Variants in TMEM178B observed in about 807,000 individuals in gnomAD.
TMEM178B encodes the protein transmembrane protein 178B.
TMEM178B carries 5 observed loss-of-function variants against 31.0 expected under a neutral mutation model. The ratio of observed to expected loss-of-function variants is 0.16; its 90% CI spans 0.08 to 0.34. The LOEUF is 0.34. TMEM178B is among the 10% of genes least tolerant of loss of function. The probability of loss-of-function intolerance (pLI) is 1.00; values close to 1 mark genes in which losing one functional copy is unlikely to be tolerated. For missense variants in TMEM178B, 275 were observed against 400.3 expected (o/e 0.69, Z 2.67); for synonymous variants, 164 against 164.0 (o/e 1.00, Z 0.00).
intron 2 of TMEM178B, among the ~76,000 whole-genome samples, chr7:141,362,404 A>G (rs1799931345): frequency 6.6e-6 from 1 of 152,216 alleles, no homozygotes; most frequent in Non-Finnish European, 1.5e-5. Context: ...CAGCCTGATC[A>G]TCTCTCATGC....
At chr7:141,111,179 A>G (rs374393771) in intron 1 of TMEM178B, among the ~76,000 whole-genome samples, 14 of 152,324 alleles carry the variant, frequency 9.2e-5, no homozygotes, top group African/African-American at 3.4e-4. Flanking sequence ...GCGGAAGGTG[A>G]TGGAGGAGCA....
intron 1 of TMEM178B, among the ~76,000 whole-genome samples, chr7:141,166,950 C>T (rs1384659247): frequency 1.3e-5 from 2 of 152,142 alleles, no homozygotes; most frequent in Admixed American, 6.5e-5. Context: ...TTGGAACAGA[C>T]GGTTTCCTCT....
the TMEM178B span, among the ~76,000 whole-genome samples, chr7:141,501,716 T>C: frequency 2.6e-5 from 4 of 152,192 alleles, no homozygotes; most frequent in Admixed American, 1.3e-4. Context: ...CTGCCTTAGA[T>C]TGCCTCTGGA....
intron 1 of TMEM178B, among the ~76,000 whole-genome samples, chr7:141,166,124 G>A (rs1796256769): frequency 6.6e-6 from 1 of 152,200 alleles, no homozygotes; most frequent in Non-Finnish European, 1.5e-5. Flanking sequence ...TGCCACAATT[G>A]CTGTACTCAG....
At position 141,355,193 on chromosome 7, in the gene TMEM178B, T is replaced by A. The variant is rs550437957; in HGVS notation, c.497-82415T>A. On this transcript the variant is annotated intron_variant, in intron 2 of 3. Transcript: ENST00000565468. ...ATCACTTTCTAGGGCCGTCTCCAGC[T>A]TTATTGAAGGGAATCAAATGTTCTT... is the stretch of plus-strand genomic sequence containing the variant. Among the ~76,000 whole-genome samples the A allele has an allele frequency of 3.3e-5, 5 of 152,258 alleles. No individual in the cohort carries two copies. In the East Asian group the frequency reaches 9.7e-4, roughly 29 times the overall value.
At position 141,475,486 on chromosome 7, in the gene TMEM178B, C is replaced by T. The variant is rs1040289131; in HGVS notation, c.*4700C>T. On this transcript the variant is annotated 3_prime_UTR_variant, in exon 4 of 4. Coordinates refer to ENST00000565468, the MANE Select transcript of TMEM178B (RefSeq NM_001195278.2). ...AAAGACTACAAGATTTTTCATAATCCAGTCACTCTGAGGCATCTACCGCGG... is the reference window on the plus strand; with the variant it reads ...AAAGACTACAAGATTTTTCATAATCTAGTCACTCTGAGGCATCTACCGCGG... The T allele has an allele frequency of 3.3e-5, 5 of 152,026 alleles. No homozygotes were observed. Among genetic ancestry groups the T allele is most frequent in the Non-Finnish European group, 5.9e-5 (4 of 67,998 alleles). 9.4% of individuals were successfully genotyped at this position (152,026 alleles called of 1,614,324 possible).
At chr7:141,466,852 G>A (rs747093609) in intron 3 of TMEM178B, among the ~76,000 whole-genome samples, 4 of 152,260 alleles carry the variant, frequency 2.6e-5, no homozygotes, top group Non-Finnish European at 5.9e-5. Context: ...TCTAATGATA[G>A]GTTCACAAAC....
chr7:141,282,004 T>C (rs112084970), intron 2 of TMEM178B, among the ~76,000 whole-genome samples: 321 of 152,278 alleles, frequency 2.1e-3, no homozygotes, highest in African/African-American at 7.5e-3. Context: ...GGGATTGTAT[T>C]GGTAGTTGTG....
intron 3 of TMEM178B, among the ~76,000 whole-genome samples, chr7:141,464,275 T>C (rs1802112588): frequency 6.6e-6 from 1 of 152,194 alleles, no homozygotes; most frequent in South Asian, 2.1e-4. Context: ...CGACCTAGCA[T>C]TGTCATCTGT....
At chr7:141,322,547 A>G (rs1390551765) in intron 2 of TMEM178B, among the ~76,000 whole-genome samples, 1 of 152,130 alleles carries the variant, frequency 6.6e-6, no homozygotes, top group Non-Finnish European at 1.5e-5. Flanking sequence ...AAATCAATCA[A>G]TCAAACAAAC....
chr7:141,468,755 CAAAA>C (rs1186631098), intron 3 of TMEM178B, among the ~76,000 whole-genome samples: 1 of 152,074 alleles, frequency 6.6e-6, no homozygotes, highest in African/African-American at 2.4e-5. Context: ...GTTTAATAGA[CAAAA>C]GAAAGAGAAA....
intron 1 of TMEM178B, among the ~76,000 whole-genome samples, chr7:141,086,744 C>T (rs1318006189): frequency 2.0e-5 from 3 of 152,102 alleles, no homozygotes; most frequent in African/African-American, 4.8e-5. Context: ...GTGTCACCCA[C>T]GCTGGAGTGC....
At chr7:141,118,682 A>G (rs1370162080) in intron 1 of TMEM178B, among the ~76,000 whole-genome samples, 1 of 152,204 alleles carries the variant, frequency 6.6e-6, no homozygotes, top group African/African-American at 2.4e-5. Context: ...AGGCAACACT[A>G]GGGTAGAAAA....
At chr7:141,192,862 A>G (rs1450712868) in intron 1 of TMEM178B, among the ~76,000 whole-genome samples, 2 of 152,242 alleles carry the variant, frequency 1.3e-5, no homozygotes, top group African/African-American at 4.8e-5. Flanking sequence ...TTCCATAAAC[A>G]TCTCTGCGAT....
At chr7:141,301,263 G>A (rs1164087601) in intron 2 of TMEM178B, among the ~76,000 whole-genome samples, 1 of 152,160 alleles carries the variant, frequency 6.6e-6, no homozygotes, top group Non-Finnish European at 1.5e-5. Flanking sequence ...GGGGTTGTGT[G>A]GGTATCCTCT....
the TMEM178B span, among the ~76,000 whole-genome samples, chr7:141,490,711 TC>T: frequency 6.6e-6 from 1 of 152,228 alleles, no homozygotes; most frequent in Non-Finnish European, 1.5e-5. Flanking sequence ...AAAGAAGCTT[TC>T]CCTTTTATGG....
chr7:141,182,381 ACTTATTATACTGG>A (rs1796543451), intron 1 of TMEM178B, among the ~76,000 whole-genome samples: 1 of 152,318 alleles, frequency 6.6e-6, no homozygotes, highest in African/African-American at 2.4e-5. Flanking sequence ...AAGGTCTCAA[ACTTATTATACTGG>A]CTTGTTATAC....
intron 1 of TMEM178B, among the ~76,000 whole-genome samples, chr7:141,088,183 C>T (rs1423061880): frequency 4.6e-5 from 7 of 152,130 alleles, no homozygotes; most frequent in Non-Finnish European, 1.0e-4. Flanking sequence ...CTCACTCCTT[C>T]CTCAATGTCA....
intron 2 of TMEM178B, among the ~76,000 whole-genome samples, chr7:141,373,655 C>CA (rs1563164936): frequency 6.6e-6 from 1 of 152,166 alleles, no homozygotes; most frequent in African/African-American, 2.4e-5. Flanking sequence ...CTCCACCCCC[C>CA]CAACACACAT....
Sources: gnomAD v4.1 joint callset for allele counts (sites outside exome capture counted in the v4.1 genomes callset) on GRCh38, gnomAD v4.1.1 for gene constraint, MANE v1.5 for transcripts, NCBI Gene and HGNC (gene_info 2026-07-23, HGNC 2026-07-21) for gene names.